The following KLF12 variants were observed in gnomAD, a reference collection of about 807,000 sequenced individuals.
KLF12 encodes Krueppel-like factor 12.
Under a neutral mutation model 37.8 loss-of-function variants are expected in KLF12, and 9 were observed. The observed-to-expected ratio is 0.24, with a 90% CI of 0.14 to 0.42. The LOEUF (loss-of-function observed/expected upper bound fraction) is 0.42, where lower values mean the gene tolerates loss of function less well. KLF12 is among the 10% of genes least tolerant of loss of function. KLF12 has a pLI of 1.00. For missense variants in KLF12, 411 were observed against 516.0 expected, an observed-to-expected ratio of 0.80 and a Z score of 1.97; for synonymous variants, 208 against 202.1, an observed-to-expected ratio of 1.03 and a Z score of -0.25.
the KLF12 span, among the ~76,000 whole-genome samples, chr13:74,288,819 T>C: frequency 6.6e-6 from 1 of 152,158 alleles, no homozygotes; most frequent in African/African-American, 2.4e-5. Context: ...CATGCAGCAC[T>C]AGGGGAGTAG....
the KLF12 span, among the ~76,000 whole-genome samples, chr13:74,219,836 T>C: frequency 6.6e-6 from 1 of 152,214 alleles, no homozygotes; most frequent in East Asian, 1.9e-4. Context: ...CTGTTTTTCT[T>C]AGCTGCTTCG....
chr13:74,175,191 G>A, the KLF12 span, among the ~76,000 whole-genome samples: 8 of 152,200 alleles, frequency 5.3e-5, no homozygotes, highest in Non-Finnish European at 1.2e-4. Context: ...GTTGCATCCT[G>A]TTGGCTGAGC....
At chr13:74,265,399 T>C in the KLF12 span, among the ~76,000 whole-genome samples, 12 of 152,186 alleles carry the variant, frequency 7.9e-5, no homozygotes, top group African/African-American at 2.4e-4. Context: ...AATCACAAAG[T>C]TCCTAATAAA....
chr13:73,847,861 T>A (rs1190654832), intron 3 of KLF12, among the ~76,000 whole-genome samples: 1 of 152,190 alleles, frequency 6.6e-6, no homozygotes, highest in Non-Finnish European at 1.5e-5. Context: ...ACTGCTTTGA[T>A]AAAAGCTATT....
chr13:73,846,283 C>T lies in KLF12; in HGVS notation c.214G>A (p.Val72Ile). 1 of 1,614,076 alleles carries T rather than the reference C, an allele frequency of 6.2e-7. No homozygotes were observed. The highest frequency in any genetic ancestry group is 8.5e-7 in the Non-Finnish European group (1 of 1,179,992). Residue 72 changes from valine (V) to isoleucine (I), a missense_variant, in exon 4 of 8, where the codon GTA becomes ATA. Coordinates refer to ENST00000377669, the MANE Select transcript of KLF12 (RefSeq NM_007249.5). ...TCAGTTTGTGTTTGGAAGTGATCTA[C>T]AGATAACGAGTCCTCCGGGGGCTCC... is the stretch of plus-strand genomic sequence containing the variant.
intron 2 of KLF12, among the ~76,000 whole-genome samples, chr13:73,965,945 A>T (rs1891161009): frequency 5.3e-5 from 8 of 152,222 alleles, no homozygotes; most frequent in Admixed American, 5.2e-4. Context: ...TGTAAACTGC[A>T]GGGCAATTTG....
chr13:73,822,629 A>AG (rs1491210367), intron 4 of KLF12, among the ~76,000 whole-genome samples: 2 of 152,208 alleles, frequency 1.3e-5, no homozygotes, highest in East Asian at 3.8e-4. Context: ...AACAGCTACT[A>AG]GAGTTTCATT....
intron 4 of KLF12, among the ~76,000 whole-genome samples, chr13:73,827,646 C>G (rs1594138810): frequency 6.6e-6 from 1 of 152,116 alleles, no homozygotes. Context: ...CACTGCCACC[C>G]CTGCCTCCCA....
chr13:73,741,634 T>C (rs4885115), intron 6 of KLF12, among the ~76,000 whole-genome samples: 1 of 151,954 alleles, frequency 6.6e-6, no homozygotes, highest in Non-Finnish European at 1.5e-5. Context: ...ATTTCAAGTA[T>C]GTTAAGGCTA....
chr13:73,876,613 G>A (rs1886717478), intron 3 of KLF12, among the ~76,000 whole-genome samples: 1 of 152,110 alleles, frequency 6.6e-6, no homozygotes, highest in South Asian at 2.1e-4. Context: ...CTTATAATTA[G>A]TGATACTTGG....
intron 2 of KLF12, among the ~76,000 whole-genome samples, chr13:73,964,952 C>A: frequency 6.6e-6 from 1 of 152,178 alleles, no homozygotes; most frequent in East Asian, 1.9e-4. Flanking sequence ...GTAAGCAGTG[C>A]TTCCCAATTA....
chr13:74,116,020 C>T (rs994385846), intron 1 of KLF12, among the ~76,000 whole-genome samples: 49 of 152,320 alleles, frequency 3.2e-4, no homozygotes, highest in African/African-American at 1.1e-3. Context: ...CACACTCTAT[C>T]GCTGCCATAC....
intron 3 of KLF12, among the ~76,000 whole-genome samples, chr13:73,937,042 T>C (rs550133271): frequency 6.6e-6 from 1 of 152,084 alleles, no homozygotes; most frequent in South Asian, 2.1e-4. Context: ...ATACAAAAAT[T>C]AGCCAGGCAT....
intron 3 of KLF12, among the ~76,000 whole-genome samples, chr13:73,880,856 T>C (rs1384011746): frequency 6.6e-6 from 1 of 152,166 alleles, no homozygotes; most frequent in African/African-American, 2.4e-5. Context: ...TTGACCTGCT[T>C]AAAGAAAAAA....
At chr13:74,019,986 T>G (rs1892799230) in intron 1 of KLF12, among the ~76,000 whole-genome samples, 1 of 152,212 alleles carries the variant, frequency 6.6e-6, no homozygotes, top group Non-Finnish European at 1.5e-5. Context: ...TCCCATGGCC[T>G]GTGGCCATGT....
intron 6 of KLF12, among the ~76,000 whole-genome samples, chr13:73,749,798 T>G (rs1460757621): frequency 1.3e-5 from 2 of 152,202 alleles, no homozygotes; most frequent in Non-Finnish European, 2.9e-5. Context: ...GAAAGTTGGT[T>G]TTTTCTTTCT....
intron 5 of KLF12, among the ~76,000 whole-genome samples, chr13:73,774,033 T>C (rs1310178606): frequency 6.6e-6 from 1 of 152,102 alleles, no homozygotes; most frequent in Non-Finnish European, 1.5e-5. Context: ...TATAATTATA[T>C]GGAGAGTGAT....
chr13:74,155,801 G>C, the KLF12 span, among the ~76,000 whole-genome samples: 1 of 151,900 alleles, frequency 6.6e-6, no homozygotes, highest in Non-Finnish European at 1.5e-5. Flanking sequence ...TCTTTTCTTC[G>C]GGATAATCTG....
chr13:74,068,372 A>G (rs1343525222), intron 1 of KLF12, among the ~76,000 whole-genome samples: 2 of 152,198 alleles, frequency 1.3e-5, no homozygotes, highest in African/African-American at 4.8e-5. Context: ...ATATCTTCAA[A>G]AGTGTTTACT....
Sources: allele counts gnomAD v4.1 joint callset (sites outside exome capture counted in the v4.1 genomes callset), GRCh38; gene constraint gnomAD v4.1.1; transcripts MANE v1.5; gene names NCBI Gene and HGNC (gene_info 2026-07-23, HGNC 2026-07-21).